TTLL5: variants seen among roughly 807,000 people sequenced by gnomAD.
The protein encoded by TTLL5 is tubulin polyglutamylase TTLL5.
In TTLL5, 132 loss-of-function variants were observed where a neutral mutation model predicts 168.4. That is an observed-to-expected ratio of 0.78 (90% CI 0.68 to 0.91). The LOEUF (loss-of-function observed/expected upper bound fraction) is 0.91, where lower values mean the gene tolerates loss of function less well. Among genes scored for constraint, TTLL5 ranks in the 40% least tolerant of loss-of-function variants. The pLI, the probability that TTLL5 is intolerant of heterozygous loss-of-function variation, is 0.00. For missense variants in TTLL5, 1,545 were observed against 1,581.5 expected, an observed-to-expected ratio of 0.98 and a Z score of 0.39; for synonymous variants, 546 against 558.6, an observed-to-expected ratio of 0.98 and a Z score of 0.32.
At chr14:75,857,162 A>G (rs1897172700) in intron 28 of TTLL5, among the ~76,000 whole-genome samples, 1 of 152,154 alleles carries the variant, frequency 6.6e-6, no homozygotes. Flanking sequence ...TGTTGAATAG[A>G]AATGTTTTCT....
At chr14:75,779,812 T>C (rs1470801770) in intron 24 of TTLL5, 110 bp downstream of exon 24, 2 of 1,143,084 alleles carry the variant, frequency 1.7e-6, no homozygotes, top group East Asian at 5.7e-5. Flanking sequence ...GTCCCCAAGG[T>C]AATGAGACTT....
chr14:75,898,043 G>A (rs2032751214), intron 30 of TTLL5, among the ~76,000 whole-genome samples: 1 of 152,164 alleles, frequency 6.6e-6, no homozygotes, highest in Admixed American at 6.5e-5. Context: ...ATTTCTCACT[G>A]TCAAGCTCTT....
At chr14:75,882,987 T>C in intron 30 of TTLL5, 85 bp downstream of exon 30, 2 of 1,400,558 alleles carry the variant, frequency 1.4e-6, no homozygotes, top group Non-Finnish European at 2.0e-6. Context: ...TCAAGACCGT[T>C]CGTACTGAAG....
chr14:75,744,230 G>C (rs1889457094), intron 15 of TTLL5: 1 of 152,148 alleles, frequency 6.6e-6, no homozygotes, highest in Admixed American at 6.5e-5. Context: ...CTTACTTTTT[G>C]TACTTGGCAG....
At chr14:75,843,010 G>C (rs970919248) in intron 28 of TTLL5, among the ~76,000 whole-genome samples, 1 of 152,172 alleles carries the variant, frequency 6.6e-6, no homozygotes, top group African/African-American at 2.4e-5. Flanking sequence ...CAAAGCACCT[G>C]CTTGCTAAAA....
At chr14:75,729,902 G>A (rs931437181) in intron 12 of TTLL5, among the ~76,000 whole-genome samples, 1 of 152,172 alleles carries the variant, frequency 6.6e-6, no homozygotes, top group African/African-American at 2.4e-5. Context: ...TTTGCCTCTG[G>A]TTTGGGGAAA....
chr14:75,928,206 A>C (rs920484657), intron 31 of TTLL5, among the ~76,000 whole-genome samples: 3 of 151,822 alleles, frequency 2.0e-5, no homozygotes, highest in African/African-American at 7.3e-5. Context: ...TCATTAGGGA[A>C]AGCAGCATTT....
At chr14:75,772,224 G>A (rs1891379325) in intron 21 of TTLL5, among the ~76,000 whole-genome samples, 1 of 152,130 alleles carries the variant, frequency 6.6e-6, no homozygotes, top group Non-Finnish European at 1.5e-5. Flanking sequence ...TAACTCTGAG[G>A]TAGGCATTAT....
At chr14:75,721,726 A>C (rs910994990) in intron 12 of TTLL5, among the ~76,000 whole-genome samples, 1 of 152,216 alleles carries the variant, frequency 6.6e-6, no homozygotes, top group Non-Finnish European at 1.5e-5. Context: ...CACGCAAAGC[A>C]CTTGACACAA....
At chr14:75,741,223 T>TCCTTGGTG (rs1038680693) in intron 15 of TTLL5, among the ~76,000 whole-genome samples, 42 of 152,232 alleles carry the variant, frequency 2.8e-4, no homozygotes, top group Admixed American at 6.5e-5. Flanking sequence ...TTCATCTTTA[T>TCCTTGGTG]CCTTGGTGCA....
intron 7 of TTLL5, among the ~76,000 whole-genome samples, chr14:75,704,566 C>T (rs1886516214): frequency 6.6e-6 from 1 of 152,150 alleles, no homozygotes; most frequent in African/African-American, 2.4e-5. Flanking sequence ...TTCCAACTTT[C>T]CCAACAATTC....
At chr14:75,854,955 T>C (rs766108346) in intron 28 of TTLL5, among the ~76,000 whole-genome samples, 2 of 152,148 alleles carry the variant, frequency 1.3e-5, no homozygotes, top group Non-Finnish European at 2.9e-5. Context: ...CAAAGGCATG[T>C]CTTGCTTATT....
intron 17 of TTLL5, among the ~76,000 whole-genome samples, chr14:75,749,612 G>A (rs1238091935): frequency 2.6e-5 from 4 of 151,976 alleles, no homozygotes; most frequent in Non-Finnish European, 4.4e-5. Context: ...GCTCCCAGGA[G>A]AAAAAAGAGA....
chr14:75,793,856 A>G (rs559326190), intron 27 of TTLL5, among the ~76,000 whole-genome samples: 4 of 152,322 alleles, frequency 2.6e-5, no homozygotes, highest in South Asian at 4.1e-4. Context: ...AAGTCCTCCA[A>G]AGGAATTATC....
At chr14:75,773,967 G>A (rs201914519) in intron 21 of TTLL5, among the ~76,000 whole-genome samples, 1,386 of 100,818 alleles carry the variant, frequency 0.014, 11 homozygotes, top group East Asian at 0.03. Context: ...AAGAGAGAGA[G>A]AGAGAGAGAG....
chr14:75,884,416 A>G (rs942916509), intron 30 of TTLL5, among the ~76,000 whole-genome samples: 2 of 152,088 alleles, frequency 1.3e-5, no homozygotes, highest in Non-Finnish European at 2.9e-5. Context: ...ACTGCCCTGA[A>G]CTCACTGCTG....
chr14:75,716,696 C>A (rs2140194870), intron 9 of TTLL5, among the ~76,000 whole-genome samples: 1 of 152,026 alleles, frequency 6.6e-6, no homozygotes, highest in Non-Finnish European at 1.5e-5. Flanking sequence ...GGGTTGATAT[C>A]TACCATAACC....
At chr14:75,940,917 TTAA>T (rs1222198057) in intron 31 of TTLL5, among the ~76,000 whole-genome samples, 1 of 152,242 alleles carries the variant, frequency 6.6e-6, no homozygotes, top group East Asian at 1.9e-4. Context: ...GCTTGTTGTA[TTAA>T]TGACTATAAT....
rs1021314930 is a variant in TTLL5 at position 75,945,120 on chromosome 14, T to A, written c.3824-9304T>A. 5.3e-5 allele frequency among the ~76,000 whole-genome samples: 8 copies of A among 151,756 alleles called. 1 individual carries two copies. In the South Asian group the frequency reaches 1.3e-3, roughly 24 times the overall value. ...TCAGAAGGTCAAACCTCATACTTGA[T>A]CTCTCAAGCCACCTGCTTGGCCCTC... On this transcript the variant is annotated intron_variant, in intron 31 of 31. Transcript: ENST00000298832.
Sources: gnomAD v4.1 joint callset for allele counts (sites outside exome capture counted in the v4.1 genomes callset) on GRCh38, gnomAD v4.1.1 for gene constraint, MANE v1.5 for transcripts, NCBI Gene and HGNC (gene_info 2026-07-23, HGNC 2026-07-21) for gene names.